The following SHISA9 variants were observed in gnomAD, a reference collection of about 807,000 sequenced individuals.
The protein encoded by SHISA9 is protein shisa-9.
In SHISA9, 13 loss-of-function variants were observed where a neutral mutation model predicts 38.0. The observed-to-expected ratio is 0.34, with a 90% CI of 0.22 to 0.54. SHISA9 has a LOEUF of 0.54. SHISA9 is among the 20% of genes least tolerant of loss of function. The pLI is 0.91. For missense variants in SHISA9, 538 were observed against 575.8 expected (o/e 0.93, Z 0.67); for synonymous variants, 275 against 242.0 (o/e 1.14, Z -1.27).
chr16:13,527,721 C>G, the SHISA9 span, among the ~76,000 whole-genome samples: 1 of 152,100 alleles, frequency 6.6e-6, no homozygotes, highest in East Asian at 1.9e-4. Flanking sequence ...CTCTTGGGCT[C>G]GGTGAGAAAC....
At chr16:13,234,025 A>T (rs1057032684) in intron 4 of SHISA9, among the ~76,000 whole-genome samples, 17 of 152,134 alleles carry the variant, frequency 1.1e-4, no homozygotes, top group African/African-American at 4.1e-4. Context: ...TAAATAAATA[A>T]ATAAGAAAAC....
downstream of SHISA9, among the ~76,000 whole-genome samples, chr16:13,240,901 G>A (rs747017636): frequency 1.3e-5 from 2 of 151,798 alleles, no homozygotes; most frequent in Non-Finnish European, 2.9e-5. Context: ...CCTCCAGAAA[G>A]AGGCTCGGAG....
At chr16:13,377,406 G>A in the SHISA9 span, among the ~76,000 whole-genome samples, 2 of 152,200 alleles carry the variant, frequency 1.3e-5, no homozygotes, top group African/African-American at 4.8e-5. Flanking sequence ...TTCAAACATC[G>A]TATTTGTTCC....
At chr16:13,116,927 CA>C (rs56976978) in intron 2 of SHISA9, among the ~76,000 whole-genome samples, 7,362 of 152,220 alleles carry the variant, frequency 0.048, 276 homozygotes, top group East Asian at 0.17. Flanking sequence ...TAGGGGCCAG[CA>C]ATACGTCCCA....
At chr16:13,060,775 A>G (rs1458299863) in intron 2 of SHISA9, among the ~76,000 whole-genome samples, 2 of 152,158 alleles carry the variant, frequency 1.3e-5, no homozygotes. Flanking sequence ...TAGGCCAGGA[A>G]GCTTTAAAAT....
the SHISA9 span, among the ~76,000 whole-genome samples, chr16:13,358,956 T>C: frequency 2.8e-3 from 431 of 152,324 alleles, 2 homozygotes; most frequent in African/African-American, 9.8e-3. Context: ...CTTAGCAGAT[T>C]ACTGATGGAA....
At chr16:13,531,658 G>A in the SHISA9 span, among the ~76,000 whole-genome samples, 18,259 of 152,148 alleles carry the variant, frequency 0.12, 1,437 homozygotes, top group East Asian at 0.2. Flanking sequence ...CCTGAGGAGC[G>A]ATCACCATGA....
the SHISA9 span, among the ~76,000 whole-genome samples, chr16:13,406,711 T>C: frequency 1.3e-5 from 2 of 152,292 alleles, no homozygotes; most frequent in African/African-American, 4.8e-5. Flanking sequence ...CTCATCACTT[T>C]CTAGGTGTGT....
At chr16:13,257,510 A>G in the SHISA9 span, among the ~76,000 whole-genome samples, 45 of 152,258 alleles carry the variant, frequency 3.0e-4, no homozygotes, top group South Asian at 1.2e-3. Flanking sequence ...CACCATCATC[A>G]GCTCTCTTGG....
rs993273636 is a variant in SHISA9, at chr16:12,901,966, G to A, written c.-99G>A. ...CATGTGCGGCCCGCGGCGGCTCGCA[G>A]CTCCCGGCAGCAGCCTCGGCAGCTT... On this transcript the variant is annotated 5_prime_UTR_variant, in exon 1 of 5. Coordinates refer to ENST00000558583, the MANE Select transcript of SHISA9 (RefSeq NM_001145204.3). 2.0e-4 allele frequency: 221 copies of A among 1,079,708 alleles called. No homozygotes were observed. The highest frequency in any genetic ancestry group is 2.5e-4 in the Non-Finnish European group (213 of 835,646). The allele number at this position is 1,079,708 out of a possible 1,614,324, so 66.9% of individuals were successfully genotyped here.
the SHISA9 span, among the ~76,000 whole-genome samples, chr16:13,305,810 C>T: frequency 6.6e-6 from 1 of 152,088 alleles, no homozygotes; most frequent in Non-Finnish European, 1.5e-5. Flanking sequence ...CTATGCTAGC[C>T]CAAAGAGGTG....
the SHISA9 span, among the ~76,000 whole-genome samples, chr16:13,369,833 G>A: frequency 6.6e-6 from 1 of 152,016 alleles, no homozygotes; most frequent in South Asian, 2.1e-4. Flanking sequence ...TTAACCCCAG[G>A]TGCATATTAG....
intron 2 of SHISA9, among the ~76,000 whole-genome samples, chr16:13,145,112 T>A (rs961080168): frequency 1.3e-5 from 2 of 152,186 alleles, no homozygotes; most frequent in Admixed American, 6.5e-5. Context: ...GCAGACCCTA[T>A]CGCAGGGATG....
At chr16:12,954,486 G>C (rs1190917106) in intron 2 of SHISA9, among the ~76,000 whole-genome samples, 1 of 152,188 alleles carries the variant, frequency 6.6e-6, no homozygotes, top group Admixed American at 6.5e-5. Context: ...AACAGTGTGT[G>C]TGTGGAGGGT....
In SHISA9 at chr16:13,221,517, G is replaced by A. The variant is rs2051225762; in HGVS notation, c.895+8217G>A. 1.3e-5 allele frequency among the ~76,000 whole-genome samples: 2 copies of A among 150,148 alleles called. 1 individual carries two copies. The highest frequency in any genetic ancestry group is 4.2e-4 in the South Asian group (2 of 4,730). ...TCAGCTTGTGAAGAAGAAGAAAGCA[G>A]AGACCGAGAAAACGGTCCTATATAA... On this transcript the variant is annotated intron_variant, in intron 4 of 4. Coordinates refer to ENST00000558583, the MANE Select transcript of SHISA9 (RefSeq NM_001145204.3).
chr16:12,948,023 C>A (rs1021930915), intron 2 of SHISA9, among the ~76,000 whole-genome samples: 1 of 152,276 alleles, frequency 6.6e-6, no homozygotes, highest in African/African-American at 2.4e-5. Context: ...GGCTAGGTAG[C>A]CTCCATTTAT....
At chr16:13,149,938 A>G (rs911304976) in intron 2 of SHISA9, among the ~76,000 whole-genome samples, 1 of 150,940 alleles carries the variant, frequency 6.6e-6, no homozygotes, top group Non-Finnish European at 1.5e-5. Context: ...AAAAAGAAAA[A>G]AAAAAAGGAA....
intron 2 of SHISA9, among the ~76,000 whole-genome samples, chr16:12,943,171 C>T (rs533081079): frequency 6.6e-6 from 1 of 152,066 alleles, no homozygotes; most frequent in Admixed American, 6.6e-5. Context: ...GGAGGTGGTG[C>T]TCTGATTGGT....
chr16:13,462,991 T>C, the SHISA9 span, among the ~76,000 whole-genome samples: 1 of 145,038 alleles, frequency 6.9e-6, no homozygotes, highest in East Asian at 2.0e-4. Context: ...AAATAAAAAA[T>C]AAAAATACAA....
Sources: allele counts gnomAD v4.1 joint callset (sites outside exome capture counted in the v4.1 genomes callset), GRCh38; gene constraint gnomAD v4.1.1; transcripts MANE v1.5; gene names NCBI Gene and HGNC (gene_info 2026-07-23, HGNC 2026-07-21).